The following TLDC2 variants were observed in gnomAD, a reference collection of about 807,000 sequenced individuals.
TLDC2 encodes TBC/LysM-associated domain containing 2, also known as TLD domain-containing protein 2.
A neutral mutation model predicts 27.9 loss-of-function variants in TLDC2; 23 were observed. That is an observed-to-expected ratio of 0.82 (90% confidence interval 0.59 to 1.17). The LOEUF (loss-of-function observed/expected upper bound fraction) is 1.17. Among genes scored for constraint, TLDC2 ranks in the 50% most tolerant of loss-of-function variants. The probability of loss-of-function intolerance (pLI) is 0.00; values close to 1 mark genes in which losing one functional copy is unlikely to be tolerated. For synonymous variants in TLDC2, 124 were observed against 107.4 expected (o/e 1.16, Z -0.96); for missense variants, 286 against 273.4 (o/e 1.05, Z -0.32).
chr20:36,889,274 A>G lies in TLDC2; in HGVS notation c.536A>G (p.Asp179Gly). 1 of 1,614,110 alleles carries G rather than the reference A, an allele frequency of 6.2e-7. No homozygotes were observed. The highest frequency in any genetic ancestry group is 1.7e-5 in the Admixed American group (1 of 60,004). Residue 179 changes from aspartate to glycine, a missense_variant, in exon 6 of 7, where the codon GAT becomes GGT. Physicochemically the swap from Asp to Gly is moderately conservative, Grantham distance 94 (BLOSUM62 -1). Coordinates refer to ENST00000217320, the MANE Select transcript of TLDC2 (RefSeq NM_080628.3). ...AGTGGCCGGTTTGGGCTGTGGTTGG[A>G]TGGAGACTTGTTCCGCGGGGGAAGC... ...SGSGRFGLWLDGDLFRGGSSP... is the reference protein window; with the variant it reads ...SGSGRFGLWLGGDLFRGGSSP...
chr20:36,880,083 A>ATATG (rs1989775667), intron 3 of TLDC2, among the ~76,000 whole-genome samples: 1 of 35,912 alleles, frequency 2.8e-5, no homozygotes, highest in African/African-American at 5.9e-5. Context: ...ATATATATAT[A>ATATG]TATATATATA....
At chr20:36,892,788 A>T in intron 6 of TLDC2, 74 bp from the exon 7 acceptor site, 1 of 1,042,574 alleles carries the variant, frequency 9.6e-7, no homozygotes, top group Non-Finnish European at 1.5e-6. Context: ...TTCTTTGATT[A>T]AAAGTTACTT....
At chr20:36,878,150 C>A (rs1601093877) in intron 2 of TLDC2, 96 bp downstream of exon 2, 2 of 1,355,644 alleles carry the variant, frequency 1.5e-6, no homozygotes, top group South Asian at 1.5e-5. Flanking sequence ...CACCTAGAGT[C>A]ACTCTTGCTC....
chr20:36,892,800 G>A (rs905658920), intron 6 of TLDC2, 62 bp from the exon 7 acceptor site: 19 of 1,148,044 alleles, frequency 1.7e-5, no homozygotes, highest in Non-Finnish European at 2.4e-5. Flanking sequence ...AAGTTACTTA[G>A]CTTCAGCATG....
At chr20:36,876,285 C>G in intron 1 of TLDC2, 78 bp downstream of exon 1, 3 of 1,592,840 alleles carry the variant, frequency 1.9e-6, no homozygotes, top group Middle Eastern at 1.7e-4. Flanking sequence ...GGGGCCTGGG[C>G]TAGGGTTGGA....
At chr20:36,882,536 A>AT (rs11086818) in intron 4 of TLDC2, among the ~76,000 whole-genome samples, 29,270 of 151,908 alleles carry the variant, frequency 0.19, 3,019 homozygotes, top group African/African-American at 0.25. Flanking sequence ...CTTAAAAAAA[A>AT]TTTTTTTTTA....
chr20:36,890,761 A>C (rs910621796), intron 6 of TLDC2: 1 of 152,152 alleles, frequency 6.6e-6, no homozygotes, highest in Non-Finnish European at 1.5e-5. Context: ...TACAGGCATG[A>C]CCACCTCGCC....
intron 2 of TLDC2, among the ~76,000 whole-genome samples, chr20:36,878,729 G>T (rs1989731696): frequency 6.6e-6 from 1 of 151,738 alleles, no homozygotes; most frequent in Non-Finnish European, 1.5e-5. Context: ...GGGCAAGGGT[G>T]ACCAAGCAGA....
chr20:36,877,525 G>T (rs1046613720), intron 1 of TLDC2, among the ~76,000 whole-genome samples: 5 of 152,110 alleles, frequency 3.3e-5, no homozygotes, highest in Non-Finnish European at 7.4e-5. Context: ...AAGCTCCCAG[G>T]GCTATGCCAC....
At chr20:36,878,850 A>G (rs556254295) in intron 2 of TLDC2, among the ~76,000 whole-genome samples, 191 bp from the exon 3 acceptor site, 8 of 152,164 alleles carry the variant, frequency 5.3e-5, no homozygotes, top group African/African-American at 1.9e-4. Context: ...TTCCTCATCT[A>G]TAAGATGGGA....
chr20:36,880,893 G>T (rs954397103), intron 4 of TLDC2, 143 bp downstream of exon 4: 7 of 748,626 alleles, frequency 9.4e-6, no homozygotes, highest in East Asian at 5.0e-5. Flanking sequence ...GCAGGGCAGT[G>T]GTGGGCAGAG....
intron 5 of TLDC2, among the ~76,000 whole-genome samples, 158 bp from the exon 6 acceptor site, chr20:36,889,093 G>A (rs1252912243): frequency 6.6e-6 from 1 of 152,198 alleles, no homozygotes; most frequent in East Asian, 1.9e-4. Context: ...ACAATGTGCT[G>A]AGTCCCCAAT....
At chr20:36,880,626 A>G in intron 3 of TLDC2, 29 bp from the exon 4 acceptor site, 3 of 1,599,348 alleles carry the variant, frequency 1.9e-6, no homozygotes, top group Non-Finnish European at 2.6e-6. Context: ...GCTCCCTTCC[A>G]GCTGCAGACT....
Position 36,893,221 on chromosome 20 carries a change from T to C in TLDC2, c.*377T>C. The C allele has an allele frequency of 1.1e-6, 1 of 876,246 alleles. No homozygotes were observed. Among genetic ancestry groups the C allele is most frequent in the Non-Finnish European group, 1.8e-6 (1 of 559,436 alleles). The allele number at this position is 876,246 out of a possible 1,614,324, so 54.3% of individuals were successfully genotyped here. ...GGGAAACTCCAAATTACATATGCCC[T>C]GTGCTTGGGGCAAATTAGAAACACT... On this transcript the variant is annotated 3_prime_UTR_variant, in exon 7 of 7. Coordinates refer to ENST00000217320, the MANE Select transcript of TLDC2 (RefSeq NM_080628.3).
intron 6 of TLDC2, chr20:36,890,595 G>A (rs1204475371): frequency 6.6e-6 from 1 of 151,984 alleles, no homozygotes; most frequent in Non-Finnish European, 1.5e-5. Context: ...CTCCCGAGTA[G>A]CTGGGATTAC....
chr20:36,887,232 C>A (rs143710337), intron 4 of TLDC2, among the ~76,000 whole-genome samples: 1 of 152,216 alleles, frequency 6.6e-6, no homozygotes, highest in East Asian at 1.9e-4. Flanking sequence ...AACAAAGAGG[C>A]TTCTAGGCTG....
intron 2 of TLDC2, among the ~76,000 whole-genome samples, 164 bp downstream of exon 2, chr20:36,878,218 C>T (rs1025322834): frequency 1.3e-5 from 2 of 152,188 alleles, no homozygotes; most frequent in Non-Finnish European, 2.9e-5. Context: ...CTTTGCTTTC[C>T]CTTCTTGTAA....
intron 6 of TLDC2, chr20:36,890,418 C>CTTTCTTTCTTTCTTTCT (rs1555830170): frequency 2.8e-4 from 5 of 17,802 alleles, no homozygotes; most frequent in South Asian, 2.7e-3. Context: ...TTCTTTCTTT[C>CTTTCTTTCTTTCTTTCT]TTTTCTTTCT....
rs185651627 is a variant in TLDC2, at chr20:36,893,776, T to C, written c.*932T>C. The C allele has an allele frequency of 5.0e-6, 2 of 397,260 alleles. No individual in the cohort carries two copies. Among genetic ancestry groups the C allele is most frequent in the African/African-American group, 4.1e-5 (2 of 48,752 alleles). The allele number at this position is 397,260 out of a possible 1,614,324, so 24.6% of individuals were successfully genotyped here. A position where few individuals can be genotyped will look rare whatever the true frequency, so the allele number is the denominator to read the frequency against. ...AATACAATGCTGGTGGGAGGATTCG[T>C]GCTCCTCATCTGCTTATTTGCTCTC... On this transcript the variant is annotated 3_prime_UTR_variant, in exon 7 of 7. Transcript: ENST00000217320.
Sources: gnomAD v4.1 joint callset for allele counts (sites outside exome capture counted in the v4.1 genomes callset) on GRCh38, gnomAD v4.1.1 for gene constraint, MANE v1.5 for transcripts, NCBI Gene and HGNC (gene_info 2026-07-23, HGNC 2026-07-21) for gene names.